ELAPOR2: variants seen among roughly 807,000 people sequenced by gnomAD.
The protein encoded by ELAPOR2 is endosome-lysosome associated apoptosis and autophagy regulator family member 2.
ELAPOR2 carries 89 observed loss-of-function variants against 120.7 expected under a neutral mutation model. The ratio of observed to expected loss-of-function variants is 0.74; its 90% CI spans 0.62 to 0.88. ELAPOR2 has a LOEUF of 0.88. ELAPOR2 is among the 40% of genes least tolerant of loss of function. The pLI is 0.00. For missense variants in ELAPOR2, 1,134 were observed against 1,251.6 expected (o/e 0.91, Z 1.42); for synonymous variants, 444 against 444.9 (o/e 1.00, Z 0.03).
At chr7:87,034,479 G>GA in intron 1 of ELAPOR2, among the ~76,000 whole-genome samples, 1 of 150,924 alleles carries the variant, frequency 6.6e-6, no homozygotes, top group Admixed American at 6.6e-5. Flanking sequence ...GACAAATGTA[G>GA]AAAAAAATGA....
chr7:86,941,663 T>C lies in ELAPOR2; in HGVS notation c.741+355A>G, dbSNP rs1341236641. Among the ~76,000 whole-genome samples the C allele has an allele frequency of 2.0e-5, 3 of 152,194 alleles. 1 individual carries two copies. The highest frequency in any genetic ancestry group is 4.1e-4 in the South Asian group (2 of 4,820). On this transcript the variant is annotated intron_variant, in intron 5 of 21. Transcript: ENST00000450689. ...CATATGACAGGCACATTTGTAAACT[T>C]AGAAACTCAAATGTTTTGTATATTA...
At chr7:86,893,267 A>T (rs927033785) in intron 19 of ELAPOR2, among the ~76,000 whole-genome samples, 167 bp from the exon 20 acceptor site, 5 of 152,034 alleles carry the variant, frequency 3.3e-5, no homozygotes, top group South Asian at 4.1e-4. Flanking sequence ...TTCATTTAAT[A>T]AAAGCTCCAG....
chr7:86,957,222 T>G (rs1212846821), intron 2 of ELAPOR2, among the ~76,000 whole-genome samples: 2 of 152,264 alleles, frequency 1.3e-5, no homozygotes, highest in African/African-American at 4.8e-5. Context: ...TGGAACTCAA[T>G]GTAGCAACAT....
chr7:86,956,322 CAA>C (rs1415195483), intron 2 of ELAPOR2, among the ~76,000 whole-genome samples: 1 of 152,208 alleles, frequency 6.6e-6, no homozygotes, highest in African/African-American at 2.4e-5. Context: ...TGGAGACACA[CAA>C]AAGAGTACAG....
Position 86,938,223 on chromosome 7 carries a change from T to TA in ELAPOR2, c.1001-10dup, listed in dbSNP as rs1562932521. ...CTCACTGGATCCTTCCTCTGCAACA[T>TA]AAAAAAAGCGTTTCAGAAATGGGTC... On this transcript the variant is annotated splice_polypyrimidine_tract_variant and intron_variant, in intron 7 of 21. Transcript: ENST00000450689. 9.7e-6 allele frequency: 15 copies of TA among 1,541,462 alleles called. No individual in the cohort carries two copies. The highest frequency in any genetic ancestry group is 6.0e-5 in the South Asian group (5 of 82,976).
intron 2 of ELAPOR2, among the ~76,000 whole-genome samples, chr7:86,952,061 A>T (rs1429466650): frequency 1.3e-5 from 2 of 152,244 alleles, no homozygotes; most frequent in Non-Finnish European, 2.9e-5. Flanking sequence ...TGTTTACAGT[A>T]TGAGAAAAGC....
chr7:87,050,990 G>C (rs934964964), intron 1 of ELAPOR2, among the ~76,000 whole-genome samples: 1 of 152,202 alleles, frequency 6.6e-6, no homozygotes, highest in Non-Finnish European at 1.5e-5. Context: ...CAGGAGTTCA[G>C]TTTGGTACCT....
chr7:86,967,321 G>A (rs547369349), intron 1 of ELAPOR2, among the ~76,000 whole-genome samples: 36 of 152,204 alleles, frequency 2.4e-4, no homozygotes, highest in Admixed American at 2.0e-3. Context: ...TTAGCCGGGC[G>A]TGGTGGTGTG....
chr7:86,888,407 T>TA (rs1799794283), intron 21 of ELAPOR2, among the ~76,000 whole-genome samples: 1 of 152,024 alleles, frequency 6.6e-6, no homozygotes, highest in South Asian at 2.1e-4. Flanking sequence ...TAAGGGACAT[T>TA]AAGAATCATA....
chr7:87,015,194 G>C lies in ELAPOR2; in HGVS notation c.189+44131C>G, dbSNP rs536584831. Among the ~76,000 whole-genome samples, 22 of 152,188 alleles carry C rather than the reference G, an allele frequency of 1.4e-4. No individual in the cohort carries two copies. The East Asian group carries it at 4.2e-3, about 29-fold the overall frequency. ...TATTTTTGCACTATATTCAAAAAGT[G>C]CCTTTTAATTTTAATATTTTATCAA... On this transcript the variant is annotated intron_variant, in intron 1 of 21. Transcript: ENST00000450689.
intron 3 of ELAPOR2, among the ~76,000 whole-genome samples, chr7:86,946,525 T>G (rs1791015921): frequency 6.6e-6 from 1 of 152,180 alleles, no homozygotes; most frequent in South Asian, 2.1e-4. Flanking sequence ...TACCTGGGAT[T>G]ACGGGCACCT....
At chr7:87,058,006 T>C (rs941198552) in intron 1 of ELAPOR2, among the ~76,000 whole-genome samples, 1 of 152,250 alleles carries the variant, frequency 6.6e-6, no homozygotes, top group Non-Finnish European at 1.5e-5. Flanking sequence ...AGTTGTAGAA[T>C]ATAGATTAAG....
chr7:86,961,781 C>A (rs1562945388), intron 2 of ELAPOR2, among the ~76,000 whole-genome samples: 1 of 152,170 alleles, frequency 6.6e-6, no homozygotes, highest in Non-Finnish European at 1.5e-5. Flanking sequence ...GAATGGCATG[C>A]TACTTGCAAG....
chr7:86,893,055 T>A lies in ELAPOR2; in HGVS notation c.2731A>T (p.Ile911Phe). Residue 911 changes from isoleucine (I) to phenylalanine (F), a missense_variant, in exon 20 of 22, where the codon ATT becomes TTT. Coordinates refer to ENST00000450689, the MANE Select transcript of ELAPOR2 (RefSeq NM_001142749.3). ...WNEPKWCIKGISLPEKKLATC... is the reference protein window; with the variant it reads ...WNEPKWCIKGFSLPEKKLATC... The stretch of plus-strand genomic sequence containing the variant: ...GCCAACTTTTTCTCAGGCAAAGAAA[T>A]TCCTTTAATGCACCATTTAGGTTCA... 1.3e-6 allele frequency: 2 copies of A among 1,573,258 alleles called. No homozygotes were observed. The highest frequency in any genetic ancestry group is 1.7e-6 in the Non-Finnish European group (2 of 1,164,976).
At chr7:87,058,758 C>T (rs753444264) in intron 1 of ELAPOR2, among the ~76,000 whole-genome samples, 1 of 151,570 alleles carries the variant, frequency 6.6e-6, no homozygotes, top group African/African-American at 2.4e-5. Flanking sequence ...CTTTTTTTTC[C>T]CCCCCAAATT....
intron 1 of ELAPOR2, among the ~76,000 whole-genome samples, chr7:87,049,530 C>T (rs1010458778): frequency 6.6e-6 from 1 of 152,170 alleles, no homozygotes; most frequent in South Asian, 2.1e-4. Flanking sequence ...GATCCGCCAG[C>T]CTCGGCCTCC....
At chr7:86,893,521 G>A (rs1788285101) in intron 19 of ELAPOR2, among the ~76,000 whole-genome samples, 1 of 151,618 alleles carries the variant, frequency 6.6e-6, no homozygotes, top group Admixed American at 6.6e-5. Flanking sequence ...CTTAATCTAA[G>A]AAATGGGTTG....
At chr7:86,947,185 A>C (rs575221429) in intron 3 of ELAPOR2, among the ~76,000 whole-genome samples, 1 of 152,220 alleles carries the variant, frequency 6.6e-6, no homozygotes, top group African/African-American at 2.4e-5. Flanking sequence ...ACAGGAAGGG[A>C]TATAGCTCAA....
chr7:86,976,257 A>C (rs1792280749), intron 1 of ELAPOR2, among the ~76,000 whole-genome samples: 1 of 152,164 alleles, frequency 6.6e-6, no homozygotes, highest in African/African-American at 2.4e-5. Flanking sequence ...TTGTCACTTC[A>C]TCCCAGGCAA....
Sources: gnomAD v4.1 joint callset for allele counts (sites outside exome capture counted in the v4.1 genomes callset) on GRCh38, gnomAD v4.1.1 for gene constraint, MANE v1.5 for transcripts, NCBI Gene and HGNC (gene_info 2026-07-23, HGNC 2026-07-21) for gene names.